The following OPA1 variants were observed in gnomAD, a reference collection of about 807,000 sequenced individuals.
OPA1 encodes dynamin-like GTPase OPA1, mitochondrial.
OPA1 carries 59 observed loss-of-function variants against 152.9 expected under a neutral mutation model. The ratio of observed to expected loss-of-function variants is 0.39; its 90% CI spans 0.31 to 0.48. The LOEUF (loss-of-function observed/expected upper bound fraction) is 0.48, where lower values mean the gene tolerates loss of function less well. Among genes scored for constraint, OPA1 ranks in the 20% least tolerant of loss-of-function variants. The probability of loss-of-function intolerance (pLI) is 0.96; values close to 1 mark genes in which losing one functional copy is unlikely to be tolerated. For synonymous variants in OPA1, 400 were observed against 389.9 expected (o/e 1.03, Z -0.31); for missense variants, 1,008 against 1,216.8 (o/e 0.83, Z 2.55).
chr3:193,694,568 C>G (rs1021097769), intron 30 of OPA1, 38 bp from the exon 31 acceptor site: 1 of 152,140 alleles, frequency 6.6e-6, no homozygotes, highest in Non-Finnish European at 1.5e-5. Context: ...CATTTATCTC[C>G]CCTGACCTCA....
Position 193,617,842 on chromosome 3 carries a change from G to C in OPA1, c.610+5G>C, listed in dbSNP as rs1165200301. 1.2e-6 allele frequency: 2 copies of C among 1,608,252 alleles called. No individual in the cohort carries two copies. The highest frequency in any genetic ancestry group is 1.7e-6 in the Non-Finnish European group (2 of 1,174,950). On this transcript the variant is annotated splice_donor_5th_base_variant and intron_variant, in intron 5 of 30. Transcript: ENST00000361510. ...CTGACCTACTTCTCTTGTTAGGTGT[G>C]TAAACAGACATTTTTGCTGACCTTA... is the stretch of plus-strand genomic sequence containing the variant.
intron 29 of OPA1, chr3:193,668,732 G>A: frequency 7.7e-7 from 1 of 1,294,722 alleles, no homozygotes; most frequent in Non-Finnish European, 9.9e-7. Context: ...GGCTACCATG[G>A]CTTCCCCTTC....
At chr3:193,690,560 G>A (rs966220843) in intron 29 of OPA1, among the ~76,000 whole-genome samples, 9 of 151,932 alleles carry the variant, frequency 5.9e-5, no homozygotes, top group South Asian at 2.1e-4. Flanking sequence ...AAAATGTTAC[G>A]TTCTTTATAT....
intron 29 of OPA1, among the ~76,000 whole-genome samples, chr3:193,684,666 A>G (rs1397004360): frequency 1.3e-5 from 2 of 151,704 alleles, no homozygotes; most frequent in Non-Finnish European, 2.9e-5. Context: ...GGCCAGGGTG[A>G]TCTTGAACTC....
At chr3:193,674,950 C>T (rs1718658525) in intron 29 of OPA1, among the ~76,000 whole-genome samples, 2 of 152,164 alleles carry the variant, frequency 1.3e-5, no homozygotes. Context: ...TGATTCTTGC[C>T]ATCCCCGATT....
intron 29 of OPA1, among the ~76,000 whole-genome samples, chr3:193,675,180 T>C (rs1172521772): frequency 6.6e-6 from 1 of 151,832 alleles, no homozygotes; most frequent in Non-Finnish European, 1.5e-5. Context: ...AAATGAACTT[T>C]AAAGGGACTT....
intron 21 of OPA1, among the ~76,000 whole-genome samples, chr3:193,650,022 C>T (rs1029082310): frequency 6.6e-5 from 10 of 152,096 alleles, no homozygotes; most frequent in Admixed American, 1.3e-4. Flanking sequence ...TAAACTGTAA[C>T]AACTAATAAT....
chr3:193,631,785 CTTA>C lies in OPA1; in HGVS notation c.843+128_843+130del, dbSNP rs1370801279. 19 of 803,002 alleles carry C rather than the reference CTTA, an allele frequency of 2.4e-5. No homozygotes were observed. The East Asian group carries it at 3.2e-4, about 13-fold the overall frequency. The allele number at this position is 803,002 out of a possible 1,614,324, so 49.7% of individuals were successfully genotyped here. A position where few individuals can be genotyped will look rare whatever the true frequency, so the allele number is the denominator to read the frequency against. Reference sequence around the variant, plus strand: ...AATTTGGAAGGTGTAATGATAGAACCTTATTATTATCGATAGATGCAAAAGCTA... The same window carrying C: ...AATTTGGAAGGTGTAATGATAGAACCTTATTATCGATAGATGCAAAAGCTA... On this transcript the variant is annotated intron_variant, in intron 8 of 30. Coordinates refer to ENST00000361510, the MANE Select transcript of OPA1 (RefSeq NM_130837.3).
At chr3:193,595,930 T>C (rs746913876) in intron 1 of OPA1, among the ~76,000 whole-genome samples, 1 of 152,180 alleles carries the variant, frequency 6.6e-6, no homozygotes, top group Non-Finnish European at 1.5e-5. Context: ...AGCATACATA[T>C]ACCCTATGTA....
At chr3:193,623,988 A>G (rs919979515) in intron 6 of OPA1, among the ~76,000 whole-genome samples, 6 of 152,224 alleles carry the variant, frequency 3.9e-5, no homozygotes, top group African/African-American at 1.4e-4. Flanking sequence ...CATTTCAACT[A>G]TCTTTACATA....
chr3:193,607,829 T>C (rs1057451335), intron 1 of OPA1, among the ~76,000 whole-genome samples: 2 of 152,242 alleles, frequency 1.3e-5, no homozygotes, highest in African/African-American at 4.8e-5. Flanking sequence ...GGGATGGCAT[T>C]GAATCTATAA....
At chr3:193,672,815 G>A (rs1718226260) in intron 29 of OPA1, among the ~76,000 whole-genome samples, 1 of 147,170 alleles carries the variant, frequency 6.8e-6, no homozygotes, top group South Asian at 2.1e-4. Context: ...GTTGCAGTGA[G>A]CCAAGACTGT....
Position 193,676,755 on chromosome 3 carries a change from C to T in OPA1, c.2983+9475C>T, listed in dbSNP as rs376824474. Among the ~76,000 whole-genome samples, 73 of 152,104 alleles carry T rather than the reference C, an allele frequency of 4.8e-4. No individual in the cohort carries two copies. The East Asian group carries it at 7.6e-3, about 16-fold the overall frequency. On this transcript the variant is annotated intron_variant, in intron 29 of 30. Coordinates refer to ENST00000361510, the MANE Select transcript of OPA1 (RefSeq NM_130837.3). ...CAGCACTTTAGGAGGCCAAGGTGGG[C>T]GGATCACAAGGTCAGGAGATCCAGA...
chr3:193,668,013 G>A (rs1717026447), intron 29 of OPA1, among the ~76,000 whole-genome samples: 1 of 152,152 alleles, frequency 6.6e-6, no homozygotes, highest in South Asian at 2.1e-4. Context: ...GTTTCTCAGT[G>A]GAAAGAGCTA....
intron 29 of OPA1, chr3:193,668,920 C>T (rs1183436647): frequency 3.1e-6 from 3 of 970,994 alleles, no homozygotes; most frequent in African/African-American, 1.7e-5. Context: ...AATAAAATAC[C>T]TGTAGTTGGT....
chr3:193,666,615 C>G (rs927587068), intron 28 of OPA1, among the ~76,000 whole-genome samples: 2 of 152,222 alleles, frequency 1.3e-5, no homozygotes, highest in African/African-American at 4.8e-5. Context: ...TTGTGAGACT[C>G]TATCTCTACA....
chr3:193,643,006 G>A lies in OPA1; in HGVS notation c.1262G>A (p.Arg421Gln), dbSNP rs535885178. Residue 421 changes from arginine to glutamine, a missense_variant, in exon 13 of 31, where the codon CGA becomes CAA. Transcript: ENST00000361510. The part of the protein sequence containing the change: ...LAALRHEIEL[R>Q]MRKNVKEGCT... ...GCATTAAGACATGAAATAGAACTTC[G>A]AATGAGGAAAAATGTGAAAGAAGGC... The A allele has an allele frequency of 2.5e-6, 4 of 1,613,714 alleles. No homozygotes were observed. Among genetic ancestry groups the A allele is most frequent in the African/African-American group, 1.3e-5 (1 of 74,894 alleles).
intron 29 of OPA1, among the ~76,000 whole-genome samples, chr3:193,679,881 G>A (rs570707470): frequency 6.6e-6 from 1 of 152,238 alleles, no homozygotes; most frequent in Admixed American, 6.5e-5. Context: ...TGATTTTCCA[G>A]TTTAATGGAA....
intron 21 of OPA1, among the ~76,000 whole-genome samples, chr3:193,650,254 C>T (rs1036429166): frequency 2.0e-5 from 3 of 152,092 alleles, no homozygotes; most frequent in South Asian, 2.1e-4. Flanking sequence ...GAAAAGGCAA[C>T]GGTCAGATCT....
Sources: allele counts gnomAD v4.1 joint callset (sites outside exome capture counted in the v4.1 genomes callset), GRCh38; gene constraint gnomAD v4.1.1; transcripts MANE v1.5; gene names NCBI Gene and HGNC (gene_info 2026-07-23, HGNC 2026-07-21).